SEC24D: variants seen among roughly 807,000 people sequenced by gnomAD.
SEC24D encodes the protein SEC24 homolog D, COPII component.
In SEC24D, 69 loss-of-function variants were observed where a neutral mutation model predicts 116.9. The ratio of observed to expected loss-of-function variants is 0.59; its 90% confidence interval spans 0.49 to 0.72. SEC24D has a LOEUF of 0.72. Among genes scored for constraint, SEC24D ranks in the 30% least tolerant of loss-of-function variants. The probability of loss-of-function intolerance (pLI) is 0.00; values close to 1 mark genes in which losing one functional copy is unlikely to be tolerated. For missense variants in SEC24D, 1,131 were observed against 1,264.1 expected, an observed-to-expected ratio of 0.89 and a Z score of 1.60; for synonymous variants, 405 against 442.8, an observed-to-expected ratio of 0.91 and a Z score of 1.07.
In SEC24D at chr4:118,743,975, TG is replaced by T; in HGVS notation, c.1995+12del. 1 of 1,590,538 alleles carries T rather than the reference TG, an allele frequency of 6.3e-7. No homozygotes were observed. Among genetic ancestry groups the T allele is most frequent in the East Asian group, 2.2e-5 (1 of 44,510 alleles). Reference sequence around the variant, plus strand: ...GAGTAGAAGACCAAGGTGAACAAATTGCTGGCATTTACCTGGAAATTGTTGT... The same window carrying T: ...GAGTAGAAGACCAAGGTGAACAAATTCTGGCATTTACCTGGAAATTGTTGT... On this transcript the variant is annotated intron_variant, in intron 15 of 22. Transcript: ENST00000280551.
Position 118,768,053 on chromosome 4 carries a change from T to G in SEC24D, c.1180+120A>C, listed in dbSNP as rs1334700358. 2.0e-5 allele frequency: 15 copies of G among 767,392 alleles called. 1 individual carries two copies. The Admixed American group carries it at 4.6e-4, about 23-fold the overall frequency. The allele number at this position is 767,392 out of a possible 1,614,324, so 47.5% of individuals were successfully genotyped here. ...TCATAGTTGGTTTCCTTCTAGAAAA[T>G]TATAAAGAAGGTACTGCTATATAGC... On this transcript the variant is annotated intron_variant, in intron 9 of 22. Coordinates refer to ENST00000280551, the MANE Select transcript of SEC24D (RefSeq NM_014822.4).
intron 8 of SEC24D, among the ~76,000 whole-genome samples, chr4:118,785,982 T>C (rs1404277428): frequency 1.3e-5 from 2 of 152,188 alleles, no homozygotes; most frequent in African/African-American, 4.8e-5. Flanking sequence ...CAAATAATCA[T>C]AATATGGATG....
chr4:118,799,890 A>G (rs1290731769), intron 7 of SEC24D, among the ~76,000 whole-genome samples: 1 of 152,204 alleles, frequency 6.6e-6, no homozygotes, highest in Non-Finnish European at 1.5e-5. Flanking sequence ...GCTAGCTGGT[A>G]AGGGAAGTGG....
At chr4:118,800,969 G>C (rs1000279507) in intron 7 of SEC24D, among the ~76,000 whole-genome samples, 1 of 151,922 alleles carries the variant, frequency 6.6e-6, no homozygotes, top group South Asian at 2.1e-4. Context: ...TTTTAGTCAG[G>C]GTTAAAAAAA....
At position 118,762,605 on chromosome 4, in the gene SEC24D, C is replaced by T. The variant is rs899385482; in HGVS notation, c.1296+2197G>A. Among the ~76,000 whole-genome samples, 65 of 152,102 alleles carry T rather than the reference C, an allele frequency of 4.3e-4. 2 individuals are homozygous for T. The highest frequency in any genetic ancestry group is 4.1e-3 in the Admixed American group (63 of 15,262). ...TTCCAAGTGCATGGTGTAAAAAATACATGTACAAATTAAATAAGCTTTTTC... is the reference window on the plus strand; with the variant it reads ...TTCCAAGTGCATGGTGTAAAAAATATATGTACAAATTAAATAAGCTTTTTC... On this transcript the variant is annotated intron_variant, in intron 10 of 22. Transcript: ENST00000280551.
chr4:118,775,327 G>C (rs926935204), intron 8 of SEC24D, among the ~76,000 whole-genome samples: 1 of 141,444 alleles, frequency 7.1e-6, no homozygotes, highest in African/African-American at 2.6e-5. Flanking sequence ...ACTTGTGATA[G>C]GTGTTAAAGC....
intron 8 of SEC24D, among the ~76,000 whole-genome samples, chr4:118,783,951 C>A (rs1302780304): frequency 6.6e-6 from 1 of 152,170 alleles, no homozygotes; most frequent in African/African-American, 2.4e-5. Context: ...GCCTGTAATA[C>A]GAGCAATTTG....
In SEC24D at chr4:118,757,826, G is replaced by A; in HGVS notation, c.1316C>T (p.Pro439Leu). ...DYCRKSKPPN[P>L]PAFIFMIDVS... Reference sequence around the variant, plus strand: ...ATCAATCATGAAGATAAAGGCTGGTGGGTTGGGAGGCTTACTCTTCTATAG... The same window carrying A: ...ATCAATCATGAAGATAAAGGCTGGTAGGTTGGGAGGCTTACTCTTCTATAG... Residue 439 changes from proline to leucine, a missense_variant, in exon 11 of 23, where the codon CCA becomes CTA. By Grantham distance (98) the Pro-to-Leu change is moderately conservative. Coordinates refer to ENST00000280551, the MANE Select transcript of SEC24D (RefSeq NM_014822.4). 6.2e-7 allele frequency: 1 copy of A among 1,609,734 alleles called. No homozygotes were observed. The highest frequency in any genetic ancestry group is 8.5e-7 in the Non-Finnish European group (1 of 1,178,138).
At chr4:118,800,971 T>C (rs1050056763) in intron 7 of SEC24D, among the ~76,000 whole-genome samples, 2 of 151,668 alleles carry the variant, frequency 1.3e-5, no homozygotes, top group Non-Finnish European at 2.9e-5. Flanking sequence ...TTAGTCAGGG[T>C]TAAAAAAAGG....
chr4:118,792,751 T>A lies in SEC24D; in HGVS notation c.1041+4932A>T, dbSNP rs551725214. Among the ~76,000 whole-genome samples, 10 of 152,280 alleles carry A rather than the reference T, an allele frequency of 6.6e-5. 1 individual carries two copies. Among genetic ancestry groups the A allele is most frequent in the Admixed American group, 5.9e-4 (9 of 15,302 alleles). On this transcript the variant is annotated intron_variant, in intron 8 of 22. Coordinates refer to ENST00000280551, the MANE Select transcript of SEC24D (RefSeq NM_014822.4). ...CTCAAGTACCCAGGGACACAAAGAC[T>A]GCGGAAGGCGGCAGGGCCCTCTGCC...
chr4:118,793,068 A>C (rs1729003137), intron 8 of SEC24D, among the ~76,000 whole-genome samples: 1 of 152,124 alleles, frequency 6.6e-6, no homozygotes, highest in African/African-American at 2.4e-5. Flanking sequence ...CTAACCTCCA[A>C]ATTAGAGATC....
Position 118,795,855 on chromosome 4 carries a change from T to C in SEC24D, c.1041+1828A>G, listed in dbSNP as rs114036223. ...TGTTTTGATAGGTGTCTCGGCTACATAGGTATACACAGTTGTCAAAACTCA... is the reference window on the plus strand; with the variant it reads ...TGTTTTGATAGGTGTCTCGGCTACACAGGTATACACAGTTGTCAAAACTCA... On this transcript the variant is annotated intron_variant, in intron 8 of 22. Coordinates refer to ENST00000280551, the MANE Select transcript of SEC24D (RefSeq NM_014822.4). 6.5e-3 allele frequency among the ~76,000 whole-genome samples: 991 copies of C among 152,300 alleles called. 11 individuals are homozygous for C. The highest frequency in any genetic ancestry group is 0.023 in the African/African-American group (938 of 41,554).
chr4:118,805,991 T>C (rs1345211744), intron 6 of SEC24D, 37 bp from the exon 7 acceptor site: 15 of 1,326,156 alleles, frequency 1.1e-5, no homozygotes, highest in Non-Finnish European at 1.6e-5. Flanking sequence ...TTAAAGTAGG[T>C]TCCAGTTCTT....
intron 8 of SEC24D, among the ~76,000 whole-genome samples, chr4:118,772,718 C>A (rs1170417314): frequency 6.6e-6 from 1 of 152,082 alleles, no homozygotes; most frequent in Non-Finnish European, 1.5e-5. Context: ...CATCGTGGTG[C>A]AAAATAACAA....
Position 118,824,626 on chromosome 4 carries a change from G to C in SEC24D, c.242C>G (p.Pro81Arg). The C allele has an allele frequency of 5.6e-6, 9 of 1,599,480 alleles. No homozygotes were observed. Among genetic ancestry groups the C allele is most frequent in the Non-Finnish European group, 7.7e-6 (9 of 1,175,388 alleles). ...QNGAHATGHP[P>R]QRFPGPPPVN... ...TGGAATCTACCTAGCTCACCTTTGG[G>C]GAGGGTGACCAGTGGCATGAGCTCC... Residue 81 changes from proline to arginine, a missense_variant, in exon 3 of 23, where the codon CCC (proline) becomes CGC (arginine). Pro to Arg is a moderately radical substitution (Grantham distance 103). Coordinates refer to ENST00000280551, the MANE Select transcript of SEC24D (RefSeq NM_014822.4).
rs190396327 is a variant in SEC24D, at chr4:118,769,240, A to G, written c.1042-929T>C. Among the ~76,000 whole-genome samples, 500 of 152,344 alleles carry G rather than the reference A, an allele frequency of 3.3e-3. 3 individuals carry two copies. Among genetic ancestry groups the G allele is most frequent in the African/African-American group, 0.011 (471 of 41,586 alleles). On this transcript the variant is annotated intron_variant, in intron 8 of 22. Transcript: ENST00000280551. ...CTGGCCATGCTTTGCCAGAACTGAA[A>G]AAATAAATCATTCAATTGCTTCTTC...
At chr4:118,750,345 C>A (rs1416422738) in intron 13 of SEC24D, among the ~76,000 whole-genome samples, 1 of 152,180 alleles carries the variant, frequency 6.6e-6, no homozygotes, top group Non-Finnish European at 1.5e-5. Flanking sequence ...AGTCTCTAGA[C>A]CTCTTGTGGA....
chr4:118,808,976 C>T (rs538011010), intron 6 of SEC24D, among the ~76,000 whole-genome samples: 1 of 124,418 alleles, frequency 8.0e-6, no homozygotes, highest in South Asian at 2.8e-4. Context: ...AAGCACCCAA[C>T]TTCTTTTTTT....
intron 22 of SEC24D, 129 bp from the exon 23 acceptor site, chr4:118,723,784 G>C (rs1346407777): frequency 1.0e-6 from 1 of 1,000,756 alleles, no homozygotes; most frequent in Non-Finnish European, 1.4e-6. Flanking sequence ...TATGGAGGAT[G>C]ATGGGAAAGT....
Sources: gnomAD v4.1 joint callset for allele counts (sites outside exome capture counted in the v4.1 genomes callset) on GRCh38, gnomAD v4.1.1 for gene constraint, MANE v1.5 for transcripts, NCBI Gene and HGNC (gene_info 2026-07-23, HGNC 2026-07-21) for gene names.